TMEM132C: variants seen among roughly 807,000 people sequenced by gnomAD.
TMEM132C encodes the protein transmembrane protein 132C.
A neutral mutation model predicts 61.4 loss-of-function variants in TMEM132C; 29 were observed. The observed-to-expected ratio is 0.47, with a 90% CI of 0.35 to 0.64. The LOEUF is 0.64. Ranked by LOEUF, TMEM132C falls within the 30% of genes least tolerant of loss-of-function variation. The pLI, the probability that TMEM132C is intolerant of heterozygous loss-of-function variation, is 0.00. For missense variants in TMEM132C, 1,408 were observed against 1,476.9 expected (o/e 0.95, Z 0.76); for synonymous variants, 656 against 633.1 (o/e 1.04, Z -0.54).
At chr12:128,383,064 ATGTG>A (rs1370568751) in intron 1 of TMEM132C, among the ~76,000 whole-genome samples, 1 of 151,494 alleles carries the variant, frequency 6.6e-6, no homozygotes, top group African/African-American at 2.4e-5. Flanking sequence ...ATCTGTATGT[ATGTG>A]TATGAGTCTG....
At chr12:128,446,452 G>A (rs1869983766) in intron 2 of TMEM132C, among the ~76,000 whole-genome samples, 1 of 152,204 alleles carries the variant, frequency 6.6e-6, no homozygotes, top group Non-Finnish European at 1.5e-5. Context: ...GACTCTGGAG[G>A]CCACACATTT....
chr12:128,397,824 A>G (rs558894047), intron 1 of TMEM132C, among the ~76,000 whole-genome samples: 1 of 152,136 alleles, frequency 6.6e-6, no homozygotes, highest in East Asian at 1.9e-4. Flanking sequence ...TCTTCTTCCC[A>G]TCTGAGCCCT....
In TMEM132C at chr12:128,707,854, ATATT is replaced by A. The variant is rs1402366007; in HGVS notation, c.*1567_*1570del. ...ACATATTATAGATGGAAAGAAGAAG[ATATT>A]TATTTATACCTGTGATGCCAATTGT... is the stretch of plus-strand genomic sequence containing the variant. On this transcript the variant is annotated 3_prime_UTR_variant, in exon 9 of 9. Coordinates refer to ENST00000435159, the MANE Select transcript of TMEM132C (RefSeq NM_001136103.3). The A allele has an allele frequency of 6.6e-6, 1 of 152,044 alleles. No individual in the cohort carries two copies. Among genetic ancestry groups the A allele is most frequent in the African/African-American group, 2.4e-5 (1 of 41,386 alleles). 9.4% of individuals were successfully genotyped at this position (152,044 alleles called of 1,614,324 possible). A position where few individuals can be genotyped will look rare whatever the true frequency, so the allele number is the denominator to read the frequency against.
chr12:128,505,735 G>A (rs1327585573), intron 2 of TMEM132C, among the ~76,000 whole-genome samples: 1 of 152,210 alleles, frequency 6.6e-6, no homozygotes, highest in Admixed American at 6.5e-5. Context: ...AAATGTGAGG[G>A]CTACTCAATG....
chr12:128,648,520 G>GAT (rs1448776292), intron 4 of TMEM132C, among the ~76,000 whole-genome samples: 12 of 141,954 alleles, frequency 8.5e-5, no homozygotes, highest in African/African-American at 2.4e-4. Context: ...GTCAGCGTTG[G>GAT]ATGAGTGTGT....
At chr12:128,447,082 C>T (rs965314029) in intron 2 of TMEM132C, among the ~76,000 whole-genome samples, 2 of 152,188 alleles carry the variant, frequency 1.3e-5, no homozygotes, top group Admixed American at 6.5e-5. Context: ...AATCAGCTCT[C>T]AGGGCCGTGG....
At chr12:128,366,133 C>G (rs891512678) in intron 1 of TMEM132C, among the ~76,000 whole-genome samples, 1 of 152,172 alleles carries the variant, frequency 6.6e-6, no homozygotes, top group Non-Finnish European at 1.5e-5. Flanking sequence ...GGCGCCTGCT[C>G]GGCCTCCAGC....
chr12:128,454,630 T>C (rs1052579731), intron 2 of TMEM132C, among the ~76,000 whole-genome samples: 7 of 152,234 alleles, frequency 4.6e-5, no homozygotes, highest in Admixed American at 1.3e-4. Context: ...AGAGACCCCC[T>C]GGATAGGACC....
chr12:128,540,078 T>C (rs1442470191), intron 2 of TMEM132C, among the ~76,000 whole-genome samples: 3 of 152,202 alleles, frequency 2.0e-5, no homozygotes, highest in Non-Finnish European at 2.9e-5. Flanking sequence ...CTTAGGAAAT[T>C]TCCTCAACTT....
intron 2 of TMEM132C, among the ~76,000 whole-genome samples, chr12:128,427,024 A>C (rs1869209335): frequency 6.6e-6 from 1 of 152,178 alleles, no homozygotes; most frequent in Non-Finnish European, 1.5e-5. Flanking sequence ...GAGGCAGGAT[A>C]AGGTGGCAAG....
Position 128,518,149 on chromosome 12 carries a change from T to TG in TMEM132C, c.975-25807dup, listed in dbSNP as rs562965072. Among the ~76,000 whole-genome samples, 9 of 152,362 alleles carry TG rather than the reference T, an allele frequency of 5.9e-5. No individual in the cohort carries two copies. In the East Asian group the frequency reaches 1.5e-3, roughly 26 times the overall value. The stretch of plus-strand genomic sequence containing the variant: ...TGCTGAAGGCTCTAGGGCTCGGCCC[T>TG]GCGCTTTCTGGGCCCTGGTGGATAA... On this transcript the variant is annotated intron_variant, in intron 2 of 8. Coordinates refer to ENST00000435159, the MANE Select transcript of TMEM132C (RefSeq NM_001136103.3).
chr12:128,460,804 T>C (rs1870506874), intron 2 of TMEM132C, among the ~76,000 whole-genome samples: 1 of 152,054 alleles, frequency 6.6e-6, no homozygotes, highest in Non-Finnish European at 1.5e-5. Context: ...CAATCATCAG[T>C]AGGTTTGGGA....
chr12:128,677,482 G>A (rs1276103809), intron 5 of TMEM132C, among the ~76,000 whole-genome samples: 1 of 152,140 alleles, frequency 6.6e-6, no homozygotes, highest in Non-Finnish European at 1.5e-5. Context: ...GGTGGGGGCT[G>A]CTGGGGATGG....
intron 5 of TMEM132C, among the ~76,000 whole-genome samples, chr12:128,683,265 C>T (rs963069281): frequency 6.6e-6 from 1 of 152,202 alleles, no homozygotes; most frequent in African/African-American, 2.4e-5. Context: ...TGGCCACAGG[C>T]TTTCACTGTG....
At chr12:128,430,009 C>T (rs1474547378) in intron 2 of TMEM132C, among the ~76,000 whole-genome samples, 1 of 152,066 alleles carries the variant, frequency 6.6e-6, no homozygotes, top group Non-Finnish European at 1.5e-5. Flanking sequence ...GGGGAAGGCA[C>T]CATTTTTACC....
At chr12:128,280,267 G>A (rs995862214) in intron 1 of TMEM132C, among the ~76,000 whole-genome samples, 5 of 152,218 alleles carry the variant, frequency 3.3e-5, no homozygotes, top group African/African-American at 1.2e-4. Flanking sequence ...CAGAAGAGGA[G>A]TGTGATACAC....
rs557705120 is a variant in TMEM132C at position 128,324,340 on chromosome 12, A to G, written c.85+56853A>G. ...TAGTAGTCTCCACCGGCCTAAAAGG[A>G]GAGGTTGATCAGCCATATCAACTGT... On this transcript the variant is annotated intron_variant, in intron 1 of 8. Transcript: ENST00000435159. Among the ~76,000 whole-genome samples the G allele has an allele frequency of 7.4e-4, 113 of 152,322 alleles. 2 individuals are homozygous for G. In the South Asian group the frequency reaches 0.021, roughly 28 times the overall value.
chr12:128,603,431 C>A (rs1876277468), intron 3 of TMEM132C, among the ~76,000 whole-genome samples: 1 of 152,172 alleles, frequency 6.6e-6, no homozygotes, highest in Non-Finnish European at 1.5e-5. Flanking sequence ...AATGAGAGCA[C>A]AGGAAACTGG....
intron 2 of TMEM132C, among the ~76,000 whole-genome samples, chr12:128,425,479 G>T (rs1204803735): frequency 6.6e-6 from 1 of 152,328 alleles, no homozygotes; most frequent in East Asian, 1.9e-4. Context: ...CCACCACTGC[G>T]CAGTTTGGGG....
Sources: gnomAD v4.1 joint callset for allele counts (sites outside exome capture counted in the v4.1 genomes callset) on GRCh38, gnomAD v4.1.1 for gene constraint, MANE v1.5 for transcripts, NCBI Gene and HGNC (gene_info 2026-07-23, HGNC 2026-07-21) for gene names.